CSMD1: variants seen among roughly 807,000 people sequenced by gnomAD.
CSMD1 encodes CUB and Sushi multiple domains 1.
A neutral mutation model predicts 417.5 loss-of-function variants in CSMD1; 213 were observed. The ratio of observed to expected loss-of-function variants is 0.51; its 90% CI spans 0.46 to 0.57. The LOEUF (loss-of-function observed/expected upper bound fraction) is 0.57, where lower values mean the gene tolerates loss of function less well. Ranked by LOEUF, CSMD1 falls within the 20% of genes least tolerant of loss-of-function variation. CSMD1 has a pLI of 0.00. For synonymous variants in CSMD1, 2,862 were observed against 1,736.8 expected, an observed-to-expected ratio of 1.65 and a Z score of -16.11; for missense variants, 6,923 against 4,529.7, an observed-to-expected ratio of 1.53 and a Z score of -15.17.
intron 2 of CSMD1, among the ~76,000 whole-genome samples, chr8:4,627,882 T>C (rs919274635): frequency 6.6e-6 from 1 of 152,140 alleles, no homozygotes; most frequent in African/African-American, 2.4e-5. Flanking sequence ...TGATACTGTA[T>C]GGCAGACACT....
chr8:3,303,820 A>C (rs1003229194), intron 25 of CSMD1, among the ~76,000 whole-genome samples: 3 of 152,174 alleles, frequency 2.0e-5, no homozygotes, highest in Non-Finnish European at 4.4e-5. Flanking sequence ...AATTTTCTAC[A>C]ATGTCTTGTG....
chr8:3,786,617 T>G (rs917506371), intron 5 of CSMD1, among the ~76,000 whole-genome samples: 3 of 152,112 alleles, frequency 2.0e-5, no homozygotes, highest in East Asian at 1.9e-4. Flanking sequence ...AGCAAAGCAG[T>G]TGCTTAAATC....
intron 8 of CSMD1, among the ~76,000 whole-genome samples, chr8:3,604,915 C>G (rs1368231623): frequency 6.6e-6 from 1 of 152,172 alleles, no homozygotes; most frequent in South Asian, 2.1e-4. Flanking sequence ...TTGTTTGACA[C>G]TTTTCATAAT....
chr8:3,726,120 G>A (rs1585139470), intron 6 of CSMD1, among the ~76,000 whole-genome samples: 1 of 152,162 alleles, frequency 6.6e-6, no homozygotes, highest in Admixed American at 6.5e-5. Context: ...TAAGGGACCT[G>A]AGGTCCCTGC....
At chr8:4,069,642 G>T (rs1283988753) in intron 3 of CSMD1, among the ~76,000 whole-genome samples, 1 of 152,134 alleles carries the variant, frequency 6.6e-6, no homozygotes, top group Non-Finnish European at 1.5e-5. Context: ...AGCCTCTGCA[G>T]CTTCCTGGGC....
At chr8:3,375,529 ATTCATATATTTAT>A (rs1810253220) in intron 18 of CSMD1, among the ~76,000 whole-genome samples, 3 of 152,250 alleles carry the variant, frequency 2.0e-5, no homozygotes, top group African/African-American at 7.2e-5. Context: ...CGCTGATTTT[ATTCATATATTTAT>A]ATGAATACAT....
At chr8:3,856,467 C>A (rs1428093155) in intron 5 of CSMD1, among the ~76,000 whole-genome samples, 1 of 152,162 alleles carries the variant, frequency 6.6e-6, no homozygotes, top group Non-Finnish European at 1.5e-5. Flanking sequence ...AACATGCTGC[C>A]CTATGAGTTC....
chr8:4,465,731 G>A (rs979645960), intron 2 of CSMD1, among the ~76,000 whole-genome samples: 3 of 152,178 alleles, frequency 2.0e-5, no homozygotes, highest in Non-Finnish European at 4.4e-5. Context: ...GCTGGTGTTT[G>A]GAGGAACTCT....
chr8:2,950,424 G>A, intron 66 of CSMD1, 81 bp from the exon 67 acceptor site: 2 of 795,678 alleles, frequency 2.5e-6, no homozygotes, highest in South Asian at 1.4e-5. Context: ...GTGGAATGTG[G>A]TACGGAGATG....
At chr8:4,933,698 G>C (rs1372981193) in intron 1 of CSMD1, among the ~76,000 whole-genome samples, 3 of 152,146 alleles carry the variant, frequency 2.0e-5, no homozygotes, top group African/African-American at 7.2e-5. Flanking sequence ...TAAATGGATG[G>C]ATGGAAGAAT....
intron 10 of CSMD1, among the ~76,000 whole-genome samples, chr8:3,551,648 T>A (rs1490715277): frequency 6.6e-6 from 1 of 150,600 alleles, no homozygotes; most frequent in Non-Finnish European, 1.5e-5. Flanking sequence ...CGGTGCTCAT[T>A]TAATACCAAG....
intron 3 of CSMD1, among the ~76,000 whole-genome samples, chr8:4,148,932 C>A (rs773774443): frequency 6.6e-6 from 1 of 151,826 alleles, no homozygotes; most frequent in Non-Finnish European, 1.5e-5. Context: ...TTCAGACTAC[C>A]TAACTTCACC....
At chr8:3,879,824 G>GGTGTCC (rs1563171433) in intron 5 of CSMD1, among the ~76,000 whole-genome samples, 1 of 140,554 alleles carries the variant, frequency 7.1e-6, no homozygotes, top group Non-Finnish European at 1.5e-5. Flanking sequence ...AGTGTGTACC[G>GGTGTCC]GTGTGCGTGT....
intron 10 of CSMD1, among the ~76,000 whole-genome samples, chr8:3,554,639 C>T (rs971509353): frequency 2.0e-5 from 3 of 152,182 alleles, no homozygotes; most frequent in Non-Finnish European, 1.5e-5. Context: ...GAGAAATAGC[C>T]CATGAATGGC....
rs889682552 is a variant in CSMD1 at position 4,139,452 on chromosome 8, C to T, written c.416-107353G>A. On this transcript the variant is annotated intron_variant, in intron 3 of 69. Transcript: ENST00000635120. ...GAACGAAGGAAGACTCTATGCCTGC[C>T]CTGGAGGCGTGGACAGTCCAGTGAG... 9.9e-5 allele frequency among the ~76,000 whole-genome samples: 15 copies of T among 151,472 alleles called. 1 individual carries two copies. The highest frequency in any genetic ancestry group is 3.4e-4 in the African/African-American group (14 of 40,814).
intron 1 of CSMD1, among the ~76,000 whole-genome samples, chr8:4,988,205 C>T (rs1811280977): frequency 1.3e-5 from 2 of 152,162 alleles, no homozygotes; most frequent in African/African-American, 2.4e-5. Context: ...GCATTATATG[C>T]ATTACTCTCC....
chr8:3,737,666 C>G (rs766262297), intron 6 of CSMD1, among the ~76,000 whole-genome samples: 23 of 151,946 alleles, frequency 1.5e-4, no homozygotes, highest in Non-Finnish European at 2.4e-4. Context: ...TCCACACTGA[C>G]CAGGAAAATC....
intron 52 of CSMD1, among the ~76,000 whole-genome samples, chr8:3,007,280 G>T (rs1332713415): frequency 6.6e-6 from 1 of 151,744 alleles, no homozygotes; most frequent in African/African-American, 2.4e-5. Flanking sequence ...AACAACAGGT[G>T]CTGGAGAGGA....
rs1353413628 is a variant in CSMD1 at position 4,437,903 on chromosome 8, G to A, written c.303-17838C>T. Among the ~76,000 whole-genome samples the A allele has an allele frequency of 5.9e-5, 9 of 151,948 alleles. No individual in the cohort carries two copies. The South Asian group carries it at 6.2e-4, about 11-fold the overall frequency. On this transcript the variant is annotated intron_variant, in intron 2 of 69. Transcript: ENST00000635120. ...TTCAAGTGGTCTCACCTGAGAAGCC[G>A]GCTCTCAGGCTTGGACATCAACCTG...
Sources: allele counts gnomAD v4.1 joint callset (sites outside exome capture counted in the v4.1 genomes callset), GRCh38; gene constraint gnomAD v4.1.1; transcripts MANE v1.5; gene names NCBI Gene and HGNC (gene_info 2026-07-23, HGNC 2026-07-21).